Variants in BCORL1 observed in about 807,000 individuals in gnomAD.
BCORL1 encodes BCL6 corepressor like 1.
A neutral mutation model predicts 87.6 loss-of-function variants in BCORL1; 7 were observed. That is an observed-to-expected ratio of 0.08 (90% CI 0.05 to 0.15). The LOEUF (loss-of-function observed/expected upper bound fraction) is 0.15, where lower values mean the gene tolerates loss of function less well. BCORL1 is among the 10% of genes least tolerant of loss of function. The pLI, the probability that BCORL1 is intolerant of heterozygous loss-of-function variation, is 1.00. For missense variants in BCORL1, 1,215 were observed against 1,499.7 expected, an observed-to-expected ratio of 0.81 and a Z score of 3.13; for synonymous variants, 591 against 634.4, an observed-to-expected ratio of 0.93 and a Z score of 1.03.
chrX:129,998,001 A>G (rs1177118053), intron 1 of BCORL1, among the ~76,000 whole-genome samples: 3 of 103,556 alleles, frequency 2.9e-5, no homozygotes, highest in Admixed American at 1.1e-4. Context: ...ATATATATAT[A>G]TATATGTATT....
chrX:129,981,677 G>A (rs1349034823), upstream of BCORL1: 1 of 106,982 alleles, frequency 9.3e-6, no homozygotes, highest in East Asian at 3.0e-4. Context: ...ACACAGGGTC[G>A]GCGTGGCGAA....
intron 4 of BCORL1, among the ~76,000 whole-genome samples, chrX:130,017,824 C>T (rs1409158960): frequency 3.6e-5 from 4 of 110,287 alleles, no homozygotes; most frequent in Non-Finnish European, 7.6e-5. Flanking sequence ...TTTGTAGAGA[C>T]GAGGTCTCAC....
Position 130,028,734 on chromosome X carries a change from C to T in BCORL1, c.4178C>T (p.Ser1393Leu), listed in dbSNP as rs1930393951. The T allele has an allele frequency of 8.3e-7, 1 of 1,208,017 alleles. No homozygotes were observed. Among genetic ancestry groups the T allele is most frequent in the Admixed American group, 2.2e-5 (1 of 45,419 alleles). ...TTGCCCAACAAAGTCCAGGGGATCT[C>T]GGATTCACCAAACGGTTTCCTCCCA... The part of the protein sequence containing the change: ...LLLPNKVQGI[S>L]DSPNGFLPNN... The change falls in exon 8 of 14, where the codon TCG becomes TTG. Residue 1393 changes from serine to leucine, a missense_variant. Ser to Leu is a moderately radical substitution (Grantham distance 145). Coordinates refer to ENST00000540052, the MANE Select transcript of BCORL1 (RefSeq NM_001379451.1).
chrX:130,036,346 C>T (rs1316211933), intron 9 of BCORL1, among the ~76,000 whole-genome samples: 4 of 110,538 alleles, frequency 3.6e-5, no homozygotes, highest in African/African-American at 1.3e-4. Flanking sequence ...CTGCAGCCTC[C>T]ACCTCCTGGG....
In BCORL1 at chrX:130,034,532, A is replaced by G. The variant is rs1242444282; in HGVS notation, c.4383A>G (p.Thr1461=). 1.0e-6 allele frequency: 1 copy of G among 982,694 alleles called. No individual in the cohort carries two copies. The highest frequency in any genetic ancestry group is 2.0e-5 in the South Asian group (1 of 50,496). The allele number at this position is 982,694 out of a possible 1,213,427, so 81.0% of individuals were successfully genotyped here. A position where few individuals can be genotyped will look rare whatever the true frequency, so the allele number is the denominator to read the frequency against. Residue 1461 remains threonine, a synonymous_variant, in exon 9 of 14, where the codon ACA becomes ACG. Coordinates refer to ENST00000540052, the MANE Select transcript of BCORL1 (RefSeq NM_001379451.1). ...CAGTGAAACCCACAGAACCATGTAC[A>G]CCCTCTAAGTCCCGAAGTGCCAGCT... ...PTPVKPTEPC[T]PSKSRSASSE...
chrX:129,989,840 C>T (rs1221717867), intron 1 of BCORL1, among the ~76,000 whole-genome samples: 1 of 109,280 alleles, frequency 9.2e-6, no homozygotes, highest in African/African-American at 3.3e-5. Flanking sequence ...GGCTGAAGTG[C>T]AGTGGTGCTA....
chrX:129,983,034 C>G (rs1347174053), intron 1 of BCORL1, among the ~76,000 whole-genome samples: 2 of 109,925 alleles, frequency 1.8e-5, no homozygotes, highest in East Asian at 5.8e-4. Flanking sequence ...GCTTGCCCCC[C>G]GGGGGCGCCG....
At chrX:130,051,832 C>A in intron 12 of BCORL1, 28 bp from the exon 13 acceptor site, 1 of 1,151,660 alleles carries the variant, frequency 8.7e-7, no homozygotes. Flanking sequence ...GTATCTGAGT[C>A]CTAATCCCCT....
chrX:129,987,243 G>C (rs1043860438), intron 1 of BCORL1, among the ~76,000 whole-genome samples: 1 of 112,009 alleles, frequency 8.9e-6, no homozygotes, highest in African/African-American at 3.3e-5. Context: ...CTGGCATTTA[G>C]AGAGAAATAC....
intron 11 of BCORL1, among the ~76,000 whole-genome samples, chrX:130,040,713 G>T (rs1417645035): frequency 2.7e-5 from 3 of 112,415 alleles, no homozygotes; most frequent in Non-Finnish European, 5.6e-5. Context: ...ATCCCTAGGG[G>T]TGCAGGGCTT....
chrX:130,038,170 G>A (rs774398279), intron 10 of BCORL1, among the ~76,000 whole-genome samples: 5 of 111,800 alleles, frequency 4.5e-5, no homozygotes, highest in Non-Finnish European at 9.4e-5. Flanking sequence ...CCTGGTGGGG[G>A]ACGTGTCTCA....
chrX:130,031,787 A>ACT (rs1930621218), intron 8 of BCORL1, among the ~76,000 whole-genome samples: 1 of 108,757 alleles, frequency 9.2e-6, no homozygotes, highest in South Asian at 3.7e-4. Context: ...CTGTCTCAAA[A>ACT]ACAAACAAAC....
rs764962830 is a variant in BCORL1, at chrX:130,037,292, G to T, written c.4528-75G>T. On this transcript the variant is annotated intron_variant, in intron 9 of 13. Coordinates refer to ENST00000540052, the MANE Select transcript of BCORL1 (RefSeq NM_001379451.1). ...CTGAGACTCCTCAGATATTTGGGGA[G>T]CTTTGAGTCTCAGGGTTATATAAGT... 2.1e-5 allele frequency: 22 copies of T among 1,056,398 alleles called. No individual in the cohort carries two copies. The African/African-American group carries it at 4.1e-4, about 20-fold the overall frequency. 87.1% of individuals were successfully genotyped at this position (1,056,398 alleles called of 1,213,427 possible).
At position 130,052,009 on chromosome X, in the gene BCORL1, T is replaced by A. The variant is rs755452225; in HGVS notation, c.5068T>A (p.Ser1690Thr). The A allele has an allele frequency of 2.5e-6, 3 of 1,193,284 alleles. No homozygotes were observed. The highest frequency in any genetic ancestry group is 4.6e-5 in the Admixed American group (2 of 43,956). The change falls in exon 13 of 14, where the codon TCC becomes ACC. Residue 1690 changes from serine to threonine, a missense_variant. Transcript: ENST00000540052. ...TTGCTACAACCTCCAAGTGTCAGTG[T>A]CCCGCGGGTAAGTGTCCGAGAGATC... is the stretch of plus-strand genomic sequence containing the variant. The part of the protein sequence containing the change: ...LPCYNLQVSV[S>T]RGPCNWFLFS...
chrX:130,003,272 C>T (rs907222686), intron 1 of BCORL1, among the ~76,000 whole-genome samples: 4 of 111,184 alleles, frequency 3.6e-5, no homozygotes, highest in Non-Finnish European at 5.7e-5. Flanking sequence ...TCCTGTTCAC[C>T]GTATTTCAGA....
At chrX:130,053,443 A>G (rs1033640031) in intron 13 of BCORL1, among the ~76,000 whole-genome samples, 4 of 111,469 alleles carry the variant, frequency 3.6e-5, no homozygotes, top group Non-Finnish European at 7.5e-5. Context: ...GGGATATAGT[A>G]TTGCACGGTT....
intron 1 of BCORL1, among the ~76,000 whole-genome samples, chrX:129,992,105 G>A (rs1044501312): frequency 9.2e-6 from 1 of 109,238 alleles, no homozygotes; most frequent in Non-Finnish European, 1.9e-5. Flanking sequence ...AAGTAGCTAG[G>A]ACCACAGGCC....
Position 130,020,967 on chromosome X carries a change from C to A in BCORL1, c.3442-18C>A. 1 of 1,149,618 alleles carries A rather than the reference C, an allele frequency of 8.7e-7. No individual in the cohort carries two copies. The highest frequency in any genetic ancestry group is 1.1e-6 in the Non-Finnish European group (1 of 871,693). The allele number at this position is 1,149,618 out of a possible 1,213,427, so 94.7% of individuals were successfully genotyped here. A position where few individuals can be genotyped will look rare whatever the true frequency, so the allele number is the denominator to read the frequency against. On this transcript the variant is annotated intron_variant, in intron 4 of 13. Transcript: ENST00000540052. ...GAAGCAAAACTGACCTCAGACCTGA[C>A]CCTCTACCTCTCCACAGTGCCGGAA...
chrX:129,997,449 T>C, intron 1 of BCORL1, among the ~76,000 whole-genome samples: 1 of 111,276 alleles, frequency 9.0e-6, no homozygotes, highest in Non-Finnish European at 1.9e-5. Context: ...CATTATGGTT[T>C]CTCTTCCACT....
Sources: gnomAD v4.1 joint callset for allele counts (sites outside exome capture counted in the v4.1 genomes callset) on GRCh38, gnomAD v4.1.1 for gene constraint, MANE v1.5 for transcripts, NCBI Gene and HGNC (gene_info 2026-07-23, HGNC 2026-07-21) for gene names.